Variants in DNM3 observed in about 807,000 individuals in gnomAD.
DNM3 encodes dynamin-3.
DNM3 carries 47 observed loss-of-function variants against 101.6 expected under a neutral mutation model. That is an observed-to-expected ratio of 0.46 (90% CI 0.37 to 0.59). The LOEUF is 0.59. Ranked by LOEUF, DNM3 falls within the 20% of genes least tolerant of loss-of-function variation. DNM3 has a pLI of 0.00. For missense variants in DNM3, 849 were observed against 1,085.7 expected (o/e 0.78, Z 3.06); for synonymous variants, 385 against 387.9 (o/e 0.99, Z 0.09).
chr1:172,363,287 C>G (rs1470784289), intron 17 of DNM3, among the ~76,000 whole-genome samples: 1 of 151,826 alleles, frequency 6.6e-6, no homozygotes, highest in Non-Finnish European at 1.5e-5. Context: ...TTCTGTGATT[C>G]CAGTTGCCAC....
chr1:172,303,816 G>C (rs1044870308), intron 15 of DNM3, among the ~76,000 whole-genome samples: 2 of 152,098 alleles, frequency 1.3e-5, no homozygotes, highest in African/African-American at 2.4e-5. Flanking sequence ...ATCCTTTACA[G>C]ACAAGCAAAT....
chr1:172,166,791 C>T (rs999975659), intron 14 of DNM3, among the ~76,000 whole-genome samples: 1 of 151,982 alleles, frequency 6.6e-6, no homozygotes, highest in South Asian at 2.1e-4. Flanking sequence ...TTTTCTACTA[C>T]TCTTCCTGCC....
intron 17 of DNM3, among the ~76,000 whole-genome samples, chr1:172,354,361 T>C (rs898593869): frequency 1.3e-5 from 2 of 152,056 alleles, no homozygotes; most frequent in African/African-American, 4.8e-5. Context: ...ATTTCACAGA[T>C]TGAATCCTGG....
chr1:172,417,085 GTTT>G (rs144897979), downstream of DNM3, among the ~76,000 whole-genome samples: 2 of 145,700 alleles, frequency 1.4e-5, no homozygotes, highest in Non-Finnish European at 3.0e-5. Flanking sequence ...TTTTGTTTTT[GTTT>G]TTTTTTTATA....
intron 1 of DNM3, chr1:171,864,282 T>C (rs1319816092): frequency 6.6e-6 from 1 of 152,232 alleles, no homozygotes; most frequent in East Asian, 1.9e-4. Context: ...CTGAAGCCTG[T>C]TTTTCCAAAA....
Position 172,253,643 on chromosome 1 carries a change from C to T in DNM3, c.1730C>T (p.Ser577Phe). 2 of 1,593,304 alleles carry T rather than the reference C, an allele frequency of 1.3e-6. No homozygotes were observed. Among genetic ancestry groups the T allele is most frequent in the Middle Eastern group, 3.3e-4 (2 of 6,018 alleles). ...KVRDVEKSFM[S>F]SKHIFALFNT... is the part of the protein sequence containing the mutation. ...CGGGATGTGGAAAAGAGCTTTATGT[C>T]TAGCAAGCACATCTTTGCACTCTTT... Residue 577 changes from serine (S) to phenylalanine (F), a missense_variant, in exon 15 of 21, where the codon TCT becomes TTT. By Grantham distance (155) the Ser-to-Phe change is radical (BLOSUM62 -2). Transcript: ENST00000627582.
intron 1 of DNM3, among the ~76,000 whole-genome samples, chr1:171,882,660 C>T (rs903032555): frequency 6.6e-6 from 1 of 151,960 alleles, no homozygotes; most frequent in Non-Finnish European, 1.5e-5. Flanking sequence ...CTACATATTA[C>T]CTTTAGTTGT....
intron 15 of DNM3, among the ~76,000 whole-genome samples, chr1:172,305,663 A>C (rs1262733086): frequency 1.3e-5 from 2 of 152,138 alleles, no homozygotes; most frequent in African/African-American, 2.4e-5. Flanking sequence ...AATCCAGCAG[A>C]ACATCAAAAA....
Position 172,411,278 on chromosome 1 carries a change from T to G in DNM3, c.*3437T>G. 1 of 985,152 alleles carries G rather than the reference T, an allele frequency of 1.0e-6. No homozygotes were observed. The highest frequency in any genetic ancestry group is 1.2e-6 in the Non-Finnish European group (1 of 829,772). The allele number at this position is 985,152 out of a possible 1,614,324, so 61.0% of individuals were successfully genotyped here. A position where few individuals can be genotyped will look rare whatever the true frequency, so the allele number is the denominator to read the frequency against. On this transcript the variant is annotated 3_prime_UTR_variant, in exon 21 of 21. Transcript: ENST00000627582. The stretch of plus-strand genomic sequence containing the variant: ...GTATACAAAATTTTCTAACTCCAGA[T>G]TGTAGTCATTTTGAGAGGTACAAAG...
intron 17 of DNM3, among the ~76,000 whole-genome samples, chr1:172,359,867 G>A (rs1205579155): frequency 6.6e-6 from 1 of 151,966 alleles, no homozygotes; most frequent in East Asian, 1.9e-4. Flanking sequence ...TTAATGAGCA[G>A]TTTTATGAGC....
chr1:171,889,012 G>C (rs9425819), intron 1 of DNM3, among the ~76,000 whole-genome samples: 64,577 of 151,758 alleles, frequency 0.43, 13,813 homozygotes, highest in African/African-American at 0.44. Context: ...GCCTCTCTCT[G>C]TCTCTCACTC....
At position 172,218,625 on chromosome 1, in the gene DNM3, T is replaced by TA. The variant is rs547988645; in HGVS notation, c.1660-34940dup. Among the ~76,000 whole-genome samples, 855 of 152,070 alleles carry TA rather than the reference T, an allele frequency of 5.6e-3. 10 individuals carry two copies. The highest frequency in any genetic ancestry group is 0.019 in the African/African-American group (808 of 41,510). On this transcript the variant is annotated intron_variant, in intron 14 of 20. Coordinates refer to ENST00000627582, the MANE Select transcript of DNM3 (RefSeq NM_015569.5). ...TACAAAATATTACCTTTATAAATTCTAAAAAAAATCTGAATTCTGAAATAT... is the reference window on the plus strand; with the variant it reads ...TACAAAATATTACCTTTATAAATTCTAAAAAAAAATCTGAATTCTGAAATAT...
chr1:171,856,736 C>A (rs143438664), intron 1 of DNM3, among the ~76,000 whole-genome samples: 1 of 152,024 alleles, frequency 6.6e-6, no homozygotes, highest in Non-Finnish European at 1.5e-5. Flanking sequence ...TATCCTGAAA[C>A]CTTGATGAAG....
At chr1:172,317,824 G>A (rs1573444585) in intron 16 of DNM3, among the ~76,000 whole-genome samples, 1 of 151,888 alleles carries the variant, frequency 6.6e-6, no homozygotes, top group Admixed American at 6.6e-5. Context: ...GGAGGAACTG[G>A]TAGCATTCCT....
At chr1:172,211,465 C>T (rs545694424) in intron 14 of DNM3, among the ~76,000 whole-genome samples, 3 of 152,224 alleles carry the variant, frequency 2.0e-5, no homozygotes, top group Non-Finnish European at 2.9e-5. Context: ...TTGCCACAGG[C>T]GTGAACTTCT....
At chr1:172,239,773 T>G (rs1323902812) in intron 14 of DNM3, among the ~76,000 whole-genome samples, 1 of 150,780 alleles carries the variant, frequency 6.6e-6, no homozygotes, top group African/African-American at 2.4e-5. Flanking sequence ...CGCTTCTTCT[T>G]TTCTCCAGCC....
intron 14 of DNM3, among the ~76,000 whole-genome samples, chr1:172,242,915 C>G (rs1391902166): frequency 3.9e-5 from 6 of 152,128 alleles, no homozygotes. Flanking sequence ...TTTCTTTATG[C>G]TAGGTCAACA....
intron 14 of DNM3, chr1:172,138,235 C>T (rs563324544): frequency 2.5e-4 from 38 of 151,386 alleles, no homozygotes; most frequent in Middle Eastern, 3.4e-3. Flanking sequence ...GTGTTTTGCC[C>T]AGACCCAGAC....
In DNM3 at chr1:171,950,155, C is replaced by T. The variant is rs115614498; in HGVS notation, c.235+28334C>T. Among the ~76,000 whole-genome samples, 833 of 152,152 alleles carry T rather than the reference C, an allele frequency of 5.5e-3. 9 individuals are homozygous for T. The highest frequency in any genetic ancestry group is 0.019 in the African/African-American group (787 of 41,516). On this transcript the variant is annotated intron_variant, in intron 2 of 20. Transcript: ENST00000627582. ...CTTAGCAATAAAAAGGAATTATGTG[C>T]TCAGTGGCTGGGGTGAATCTCAAAA...
Sources: allele counts gnomAD v4.1 joint callset (sites outside exome capture counted in the v4.1 genomes callset), GRCh38; gene constraint gnomAD v4.1.1; transcripts MANE v1.5; gene names NCBI Gene and HGNC (gene_info 2026-07-23, HGNC 2026-07-21).